The following NLGN1 variants were observed in gnomAD, a reference collection of about 807,000 sequenced individuals.
NLGN1 encodes neuroligin-1.
In NLGN1, 12 loss-of-function variants were observed where a neutral mutation model predicts 65.5. The ratio of observed to expected loss-of-function variants is 0.18; its 90% CI spans 0.12 to 0.30. The LOEUF (loss-of-function observed/expected upper bound fraction) is 0.30, where lower values mean the gene tolerates loss of function less well. Ranked by LOEUF, NLGN1 falls within the 10% of genes least tolerant of loss-of-function variation. The pLI is 1.00. For missense variants in NLGN1, 750 were observed against 1,007.1 expected (o/e 0.74, Z 3.46); for synonymous variants, 350 against 359.5 (o/e 0.97, Z 0.30).
intron 2 of NLGN1, among the ~76,000 whole-genome samples, chr3:173,571,100 A>G (rs987628203): frequency 6.6e-6 from 1 of 152,208 alleles, no homozygotes; most frequent in African/African-American, 2.4e-5. Flanking sequence ...CACACCACTT[A>G]AGGAAAAATA....
At chr3:173,491,530 C>T (rs1259126200) in intron 2 of NLGN1, among the ~76,000 whole-genome samples, 1 of 151,778 alleles carries the variant, frequency 6.6e-6, no homozygotes, top group Non-Finnish European at 1.5e-5. Flanking sequence ...CATCAATGGT[C>T]ATCAAGGATA....
chr3:173,693,316 C>T (rs1039665332), intron 3 of NLGN1, among the ~76,000 whole-genome samples: 1 of 151,748 alleles, frequency 6.6e-6, no homozygotes, highest in Non-Finnish European at 1.5e-5. Flanking sequence ...AATTTACTTA[C>T]CAACTATGGA....
chr3:173,829,517 C>A (rs1722038633), intron 4 of NLGN1, among the ~76,000 whole-genome samples: 1 of 151,550 alleles, frequency 6.6e-6, no homozygotes, highest in African/African-American at 2.4e-5. Flanking sequence ...TCATCTATCA[C>A]CTTTCATAAT....
chr3:173,837,653 G>A (rs953440886), intron 4 of NLGN1, among the ~76,000 whole-genome samples: 3 of 152,122 alleles, frequency 2.0e-5, no homozygotes, highest in Admixed American at 6.5e-5. Flanking sequence ...TGTACGAGAT[G>A]GCCTACATTT....
chr3:173,728,552 A>T (rs1578152101), intron 3 of NLGN1, among the ~76,000 whole-genome samples: 1 of 152,032 alleles, frequency 6.6e-6, no homozygotes, highest in East Asian at 1.9e-4. Context: ...CACACCTCAA[A>T]ATGTGACCTT....
chr3:174,089,240 A>C (rs2152562616), intron 4 of NLGN1, among the ~76,000 whole-genome samples: 1 of 152,340 alleles, frequency 6.6e-6, no homozygotes, highest in African/African-American at 2.4e-5. Flanking sequence ...AAGATATGGA[A>C]GTTTTTCCCA....
At chr3:173,889,797 A>T (rs1735003416) in intron 4 of NLGN1, among the ~76,000 whole-genome samples, 3 of 152,158 alleles carry the variant, frequency 2.0e-5, no homozygotes, top group Non-Finnish European at 4.4e-5. Flanking sequence ...AAAAATATGC[A>T]TCCTTCAAAA....
intron 3 of NLGN1, among the ~76,000 whole-genome samples, chr3:173,709,186 C>T (rs1768533169): frequency 6.6e-6 from 1 of 152,168 alleles, no homozygotes; most frequent in Non-Finnish European, 1.5e-5. Context: ...CTCATTTGCG[C>T]TGTATCTATC....
intron 4 of NLGN1, among the ~76,000 whole-genome samples, chr3:173,921,300 A>G (rs1047342435): frequency 1.4e-5 from 2 of 147,798 alleles, no homozygotes; most frequent in African/African-American, 4.9e-5. Flanking sequence ...TATATTATAT[A>G]TTTCTACTAT....
intron 4 of NLGN1, among the ~76,000 whole-genome samples, chr3:174,011,613 G>A (rs1314844064): frequency 2.6e-5 from 4 of 152,194 alleles, no homozygotes; most frequent in Admixed American, 6.5e-5. Context: ...CTGGGTTCAA[G>A]TGTAAACTCT....
chr3:173,862,049 G>A (rs960381049), intron 4 of NLGN1, among the ~76,000 whole-genome samples: 7 of 151,880 alleles, frequency 4.6e-5, no homozygotes, highest in East Asian at 3.9e-4. Flanking sequence ...AATTACAGGC[G>A]TGAGCCACCA....
intron 4 of NLGN1, among the ~76,000 whole-genome samples, chr3:174,274,914 T>C (rs879283770): frequency 1.3e-5 from 2 of 151,834 alleles, no homozygotes; most frequent in Non-Finnish European, 2.9e-5. Context: ...TCCAACCACA[T>C]TTGACGACAA....
chr3:173,659,901 C>T (rs1315006363), intron 3 of NLGN1, among the ~76,000 whole-genome samples: 1 of 151,790 alleles, frequency 6.6e-6, no homozygotes, highest in African/African-American at 2.4e-5. Flanking sequence ...TCACAAAAGT[C>T]CACTACCTTA....
At chr3:174,225,846 G>GA (rs398106759) in intron 4 of NLGN1, among the ~76,000 whole-genome samples, 4 of 151,986 alleles carry the variant, frequency 2.6e-5, no homozygotes, top group Non-Finnish European at 4.4e-5. Flanking sequence ...TATTTGGGGG[G>GA]TTTTGTTTTG....
At chr3:174,211,408 C>T (rs1184530779) in intron 4 of NLGN1, among the ~76,000 whole-genome samples, 1 of 152,016 alleles carries the variant, frequency 6.6e-6, no homozygotes, top group Non-Finnish European at 1.5e-5. Flanking sequence ...TACAGAGTTT[C>T]CACACACAGG....
chr3:173,793,821 C>G (rs1449984979), intron 3 of NLGN1, among the ~76,000 whole-genome samples: 1 of 151,956 alleles, frequency 6.6e-6, no homozygotes, highest in Non-Finnish European at 1.5e-5. Flanking sequence ...ATGATTTTGC[C>G]TCTTTTTGAT....
chr3:173,802,844 CTT>C (rs35414458), intron 3 of NLGN1, among the ~76,000 whole-genome samples: 15 of 142,396 alleles, frequency 1.1e-4, no homozygotes, highest in Admixed American at 2.8e-4. Flanking sequence ...GAATGTATAT[CTT>C]TTTTTTTTTT....
intron 2 of NLGN1, among the ~76,000 whole-genome samples, chr3:173,511,570 C>G (rs1365816969): frequency 6.6e-6 from 1 of 152,016 alleles, no homozygotes; most frequent in Non-Finnish European, 1.5e-5. Flanking sequence ...GCTTCTGTTT[C>G]TTTCTTTTCC....
At chr3:173,857,018 GAT>G (rs1171944772) in intron 4 of NLGN1, among the ~76,000 whole-genome samples, 14 of 80,726 alleles carry the variant, frequency 1.7e-4, no homozygotes, top group African/African-American at 5.5e-4. Flanking sequence ...AAAGGCGTTA[GAT>G]AAAAAAAAAA....
Sources: gnomAD v4.1 joint callset for allele counts (sites outside exome capture counted in the v4.1 genomes callset) on GRCh38, gnomAD v4.1.1 for gene constraint, MANE v1.5 for transcripts, NCBI Gene and HGNC (gene_info 2026-07-23, HGNC 2026-07-21) for gene names.